The following HIPK3 variants were observed in gnomAD, a reference collection of about 807,000 sequenced individuals.
The protein encoded by HIPK3 is homeodomain interacting protein kinase 3.
In HIPK3, 47 loss-of-function variants were observed where a neutral mutation model predicts 124.2. That is an observed-to-expected ratio of 0.38 (90% CI 0.30 to 0.48). The LOEUF (loss-of-function observed/expected upper bound fraction) is 0.48. Among genes scored for constraint, HIPK3 ranks in the 20% least tolerant of loss-of-function variants. The pLI, the probability that HIPK3 is intolerant of heterozygous loss-of-function variation, is 0.98. For missense variants in HIPK3, 1,286 were observed against 1,454.3 expected (o/e 0.88, Z 1.88); for synonymous variants, 482 against 515.2 (o/e 0.94, Z 0.87).
At chr11:33,343,741 C>T (rs772156432) in intron 8 of HIPK3, among the ~76,000 whole-genome samples, 2 of 151,976 alleles carry the variant, frequency 1.3e-5, no homozygotes, top group Admixed American at 6.6e-5. Flanking sequence ...GTTGTTCTAT[C>T]GGGGTAGCTT....
At chr11:33,277,182 C>T (rs1184579178) in intron 1 of HIPK3, among the ~76,000 whole-genome samples, 1 of 151,636 alleles carries the variant, frequency 6.6e-6, no homozygotes, top group Non-Finnish European at 1.5e-5. Flanking sequence ...TTTGAGGTCC[C>T]TTCCTTCTCT....
intron 7 of HIPK3, 52 bp from the exon 8 acceptor site, chr11:33,341,511 C>T (rs80111299): frequency 0.038 from 56,225 of 1,476,494 alleles, 1,215 homozygotes; most frequent in South Asian, 0.062. Context: ...ATTTATACAG[C>T]GTGTATATTT....
Position 33,356,028 on chromosome 11 carries a change from A to ATTGTTGTTTGTT in HIPK3, c.*2460_*2461insTTGTTGTTTGTT, listed in dbSNP as rs1382255071. 19 of 151,992 alleles carry ATTGTTGTTTGTT rather than the reference A, an allele frequency of 1.3e-4. No individual in the cohort carries two copies. The highest frequency in any genetic ancestry group is 2.9e-5 in the Non-Finnish European group (2 of 67,894). The allele number at this position is 151,992 out of a possible 1,614,324, so 9.4% of individuals were successfully genotyped here. ...TCTTAGGAAAGAATCAATGCTGGCA[A>ATTGTTGTTTGTT]CACATTGTTTCAGAAACACCAAGTG... On this transcript the variant is annotated 3_prime_UTR_variant, in exon 17 of 17. Coordinates refer to ENST00000303296, the MANE Select transcript of HIPK3 (RefSeq NM_005734.5).
chr11:33,317,380 C>G (rs1367715932), intron 2 of HIPK3, among the ~76,000 whole-genome samples: 1 of 151,106 alleles, frequency 6.6e-6, no homozygotes, highest in East Asian at 1.9e-4. Context: ...CCCACCTCAG[C>G]TCCCCAAGTA....
chr11:33,323,974 A>G (rs550184352), intron 2 of HIPK3, among the ~76,000 whole-genome samples: 20 of 152,354 alleles, frequency 1.3e-4, no homozygotes, highest in Non-Finnish European at 2.2e-4. Flanking sequence ...AATGATGTCT[A>G]TTCTCTGCAA....
At chr11:33,263,407 C>T (rs546419275) in intron 1 of HIPK3, among the ~76,000 whole-genome samples, 145 of 152,250 alleles carry the variant, frequency 9.5e-4, no homozygotes, top group Admixed American at 1.9e-3. Flanking sequence ...CCTCCGCCTC[C>T]GGGGTTCAAG....
At chr11:33,337,899 C>T (rs1426727388) in intron 4 of HIPK3, among the ~76,000 whole-genome samples, 1 of 152,096 alleles carries the variant, frequency 6.6e-6, no homozygotes, top group Non-Finnish European at 1.5e-5. Flanking sequence ...GTCTTGAACT[C>T]CTGACCTTGT....
At chr11:33,283,608 TC>T (rs1851469444) in intron 1 of HIPK3, among the ~76,000 whole-genome samples, 2 of 152,250 alleles carry the variant, frequency 1.3e-5, no homozygotes, top group South Asian at 4.1e-4. Flanking sequence ...GTTTACTTGT[TC>T]CTTGTACCAT....
rs756547034 is a variant in HIPK3, at chr11:33,348,733, G to A, written c.2581G>A (p.Asp861Asn). Residue 861 changes from aspartate to asparagine, a missense_variant, in exon 13 of 17, where the codon GAC becomes AAC. By Grantham distance (23) the Asp-to-Asn change is conservative (BLOSUM62 1). Coordinates refer to ENST00000303296, the MANE Select transcript of HIPK3 (RefSeq NM_005734.5). ...ACAGCGGCAAACCATCATTATTGCC[G>A]ACTCCCCGAGTCCTGCAGTGAGTGT... is the stretch of plus-strand genomic sequence containing the variant. ...DKQRQTIIIADSPSPAVSVIT... is the reference protein window; with the variant it reads ...DKQRQTIIIANSPSPAVSVIT... 1.8e-5 allele frequency: 29 copies of A among 1,613,966 alleles called. No homozygotes were observed. The highest frequency in any genetic ancestry group is 8.3e-5 in the Admixed American group (5 of 59,998).
intron 1 of HIPK3, among the ~76,000 whole-genome samples, chr11:33,272,762 C>T (rs1851162535): frequency 9.3e-6 from 1 of 107,014 alleles, no homozygotes; most frequent in South Asian, 3.8e-4. Context: ...CCTTCTCTCC[C>T]TCCCTCCCTC....
intron 1 of HIPK3, chr11:33,258,786 C>A (rs562086438): frequency 4.3e-6 from 4 of 939,514 alleles, no homozygotes; most frequent in East Asian, 1.2e-4. Flanking sequence ...GGACTTGTTA[C>A]AGAGTAGTCG....
At chr11:33,258,585 G>A in intron 1 of HIPK3, 5 of 985,426 alleles carry the variant, frequency 5.1e-6, no homozygotes, top group Non-Finnish European at 6.0e-6. Flanking sequence ...CTCTCGTTAC[G>A]GTGGCTGCCG....
intron 2 of HIPK3, among the ~76,000 whole-genome samples, chr11:33,318,139 T>G (rs1412183745): frequency 6.6e-6 from 1 of 152,194 alleles, no homozygotes; most frequent in East Asian, 1.9e-4. Context: ...GGTGATAGGT[T>G]TAAAGAAAAA....
At chr11:33,260,967 GT>G (rs1430614693) in intron 1 of HIPK3, among the ~76,000 whole-genome samples, 1 of 133,538 alleles carries the variant, frequency 7.5e-6, no homozygotes, top group African/African-American at 2.7e-5. Context: ...CTATCAGTGT[GT>G]TTATTTTTTA....
chr11:33,337,390 C>T (rs921908389), intron 4 of HIPK3, among the ~76,000 whole-genome samples, 196 bp downstream of exon 4: 2 of 151,442 alleles, frequency 1.3e-5, no homozygotes, highest in Non-Finnish European at 2.9e-5. Context: ...GAGTTTCTCT[C>T]TCTCGCCCAG....
chr11:33,273,467 C>A (rs1282372801), intron 1 of HIPK3, among the ~76,000 whole-genome samples: 1 of 11,576 alleles, frequency 8.6e-5, no homozygotes, highest in Admixed American at 4.2e-4. Context: ...CGAGATCACG[C>A]CACTGCACCT....
chr11:33,303,866 C>G lies in HIPK3; in HGVS notation c.1097+16355C>G, dbSNP rs1047663938. Reference sequence around the variant, plus strand: ...AACAAACATTTCTTTCGTGAGAAAACATTGCATTACAAAGAATGTCGTGTA... The same window carrying G: ...AACAAACATTTCTTTCGTGAGAAAAGATTGCATTACAAAGAATGTCGTGTA... On this transcript the variant is annotated intron_variant, in intron 2 of 16. Transcript: ENST00000303296. Among the ~76,000 whole-genome samples the G allele has an allele frequency of 8.8e-4, 134 of 152,118 alleles. 2 individuals carry two copies. Among genetic ancestry groups the G allele is most frequent in the Admixed American group, 8.8e-3 (134 of 15,288 alleles).
upstream of HIPK3, chr11:33,257,284 G>A (rs1318981801): frequency 5.1e-6 from 5 of 983,334 alleles, no homozygotes; most frequent in Non-Finnish European, 6.0e-6. Context: ...GGAGCCGCCC[G>A]GGCTGGGCGC....
intron 13 of HIPK3, 52 bp from the exon 14 acceptor site, chr11:33,349,095 G>A: frequency 1.9e-6 from 3 of 1,546,952 alleles, no homozygotes; most frequent in Non-Finnish European, 2.6e-6. Flanking sequence ...TGGCTATTTG[G>A]AGAGTATCTT....
Sources: allele counts gnomAD v4.1 joint callset (sites outside exome capture counted in the v4.1 genomes callset), GRCh38; gene constraint gnomAD v4.1.1; transcripts MANE v1.5; gene names NCBI Gene and HGNC (gene_info 2026-07-23, HGNC 2026-07-21).